AP1S3: variants seen among roughly 807,000 people sequenced by gnomAD.
The protein encoded by AP1S3 is adaptor related protein complex 1 subunit sigma 3.
A neutral mutation model predicts 20.9 loss-of-function variants in AP1S3; 10 were observed. The ratio of observed to expected loss-of-function variants is 0.48; its 90% CI spans 0.29 to 0.81. The LOEUF is 0.81. Ranked by LOEUF, AP1S3 falls within the 30% of genes least tolerant of loss-of-function variation. AP1S3 has a pLI of 0.08. For synonymous variants in AP1S3, 41 were observed against 61.5 expected, an observed-to-expected ratio of 0.67 and a Z score of 1.56; for missense variants, 154 against 183.8, an observed-to-expected ratio of 0.84 and a Z score of 0.94.
intron 3 of AP1S3, chr2:223,773,326 C>T (rs1219212451): frequency 7.7e-7 from 1 of 1,303,980 alleles, no homozygotes; most frequent in Non-Finnish European, 1.0e-6. Flanking sequence ...AAGGAAACTT[C>T]TTCAGGCTCT....
At chr2:223,787,651 C>T (rs1335666427) in intron 1 of AP1S3, among the ~76,000 whole-genome samples, 1 of 152,212 alleles carries the variant, frequency 6.6e-6, no homozygotes, top group Non-Finnish European at 1.5e-5. Context: ...GTTCTGAAAG[C>T]AGGGAGAGTG....
chr2:223,824,343 G>T (rs575171507), intron 1 of AP1S3, among the ~76,000 whole-genome samples: 1 of 152,026 alleles, frequency 6.6e-6, no homozygotes, highest in Admixed American at 6.6e-5. Flanking sequence ...ATCCAAAAAT[G>T]ATACATGAGA....
intron 1 of AP1S3, among the ~76,000 whole-genome samples, chr2:223,820,408 G>T (rs1362371907): frequency 6.6e-6 from 1 of 151,888 alleles, no homozygotes; most frequent in Non-Finnish European, 1.5e-5. Flanking sequence ...CGAAGGCAAA[G>T]ATGAGTTCAA....
chr2:223,772,121 A>G (rs59089981), intron 3 of AP1S3, among the ~76,000 whole-genome samples: 39,852 of 152,230 alleles, frequency 0.26, 8,427 homozygotes, highest in East Asian at 0.59. Context: ...AAAATAAATA[A>G]ATAAAATAAA....
At chr2:223,783,473 C>A (rs1192222964) in intron 1 of AP1S3, among the ~76,000 whole-genome samples, 1 of 152,224 alleles carries the variant, frequency 6.6e-6, no homozygotes, top group African/African-American at 2.4e-5. Context: ...GTCCCAAATT[C>A]TTATTTAGAC....
At chr2:223,809,732 AT>A (rs754446760) in intron 1 of AP1S3, among the ~76,000 whole-genome samples, 5,000 of 139,306 alleles carry the variant, frequency 0.036, 256 homozygotes, top group African/African-American at 0.11. Context: ...ACCTTTATTT[AT>A]TTTTTTTTTT....
intron 1 of AP1S3, among the ~76,000 whole-genome samples, chr2:223,837,231 G>T (rs756767368): frequency 1.3e-4 from 19 of 151,430 alleles, no homozygotes; most frequent in African/African-American, 1.9e-4. Context: ...CCGCGGCGCC[G>T]CGGCGCCGCG....
chr2:223,776,312 C>A (rs1335429102), intron 2 of AP1S3, among the ~76,000 whole-genome samples: 3 of 152,146 alleles, frequency 2.0e-5, no homozygotes, highest in South Asian at 2.1e-4. Flanking sequence ...GTCTTCACAC[C>A]CCTCTCCAGC....
At chr2:223,788,998 C>G (rs1691142506) in intron 1 of AP1S3, among the ~76,000 whole-genome samples, 1 of 152,220 alleles carries the variant, frequency 6.6e-6, no homozygotes, top group East Asian at 1.9e-4. Flanking sequence ...ACAATGAAGC[C>G]TCCAGTCAAC....
intron 1 of AP1S3, among the ~76,000 whole-genome samples, chr2:223,827,078 A>G (rs1287751969): frequency 6.6e-6 from 1 of 152,144 alleles, no homozygotes; most frequent in Non-Finnish European, 1.5e-5. Flanking sequence ...AACTTCAAGC[A>G]TTCATCTGAG....
At chr2:223,762,223 G>A (rs976395806) in intron 4 of AP1S3, among the ~76,000 whole-genome samples, 7 of 149,276 alleles carry the variant, frequency 4.7e-5, no homozygotes, top group South Asian at 4.2e-4. Context: ...CACCTGCCTC[G>A]GCCCAAAGTG....
chr2:223,798,032 T>G (rs899368137), intron 1 of AP1S3, among the ~76,000 whole-genome samples: 1 of 152,242 alleles, frequency 6.6e-6, no homozygotes, highest in Non-Finnish European at 1.5e-5. Flanking sequence ...CAGCCGAATA[T>G]TACTGTCAAA....
At chr2:223,827,829 G>A (rs991541201) in intron 1 of AP1S3, among the ~76,000 whole-genome samples, 1 of 151,512 alleles carries the variant, frequency 6.6e-6, no homozygotes, top group Non-Finnish European at 1.5e-5. Context: ...GGAGGCCAAG[G>A]CGGGCTGATC....
At chr2:223,803,767 C>A (rs1691518419) in intron 1 of AP1S3, among the ~76,000 whole-genome samples, 1 of 151,714 alleles carries the variant, frequency 6.6e-6, no homozygotes, top group African/African-American at 2.4e-5. Flanking sequence ...GTGGTCCCAG[C>A]TACTCGGGAG....
intron 1 of AP1S3, among the ~76,000 whole-genome samples, chr2:223,807,875 T>TTTC (rs1691624077): frequency 1.6e-5 from 2 of 126,040 alleles, no homozygotes; most frequent in Non-Finnish European, 3.4e-5. Flanking sequence ...TTCTTTTTTT[T>TTTC]TTTTTTTTTT....
intron 1 of AP1S3, among the ~76,000 whole-genome samples, chr2:223,831,972 G>A (rs1248535545): frequency 6.6e-6 from 1 of 151,980 alleles, no homozygotes; most frequent in African/African-American, 2.4e-5. Flanking sequence ...AGCTACTCAG[G>A]AGGCTGAGGC....
At chr2:223,823,590 C>T (rs1179619657) in intron 1 of AP1S3, among the ~76,000 whole-genome samples, 1 of 152,028 alleles carries the variant, frequency 6.6e-6, no homozygotes, top group South Asian at 2.1e-4. Context: ...GCTGGGGGGA[C>T]AGAGAAGAAA....
At chr2:223,784,279 C>T (rs1002781120) in intron 1 of AP1S3, among the ~76,000 whole-genome samples, 3 of 152,116 alleles carry the variant, frequency 2.0e-5, no homozygotes, top group Non-Finnish European at 1.5e-5. Context: ...CATTTCATAT[C>T]ACCACCATGC....
At position 223,776,021 on chromosome 2, in the gene AP1S3, AAAT is replaced by A; in HGVS notation, c.183-15_183-13del. 6.2e-7 allele frequency: 1 copy of A among 1,607,508 alleles called. No individual in the cohort carries two copies. Among genetic ancestry groups the A allele is most frequent in the Non-Finnish European group, 8.5e-7 (1 of 1,175,024 alleles). On this transcript the variant is annotated splice_polypyrimidine_tract_variant and intron_variant, in intron 2 of 4. Transcript: ENST00000396654. ...ATAAACTAGCATACCTTGAAATGAA[AAAT>A]AACAAAAGCAAAATATGACAATACA...
Sources: gnomAD v4.1 joint callset for allele counts (sites outside exome capture counted in the v4.1 genomes callset) on GRCh38, gnomAD v4.1.1 for gene constraint, MANE v1.5 for transcripts, NCBI Gene and HGNC (gene_info 2026-07-23, HGNC 2026-07-21) for gene names.